NCOR2: variants seen among roughly 807,000 people sequenced by gnomAD.
NCOR2 encodes the protein CTG repeat protein 26.
Under a neutral mutation model 262.9 loss-of-function variants are expected in NCOR2, and 81 were observed. The ratio of observed to expected loss-of-function variants is 0.31; its 90% confidence interval spans 0.26 to 0.37. The LOEUF (loss-of-function observed/expected upper bound fraction) is 0.37, where lower values mean the gene tolerates loss of function less well. Ranked by LOEUF, NCOR2 falls within the 10% of genes least tolerant of loss-of-function variation. The pLI is 1.00. For missense variants in NCOR2, 3,385 were observed against 3,621.4 expected (o/e 0.93, Z 1.68); for synonymous variants, 1,659 against 1,559.3 (o/e 1.06, Z -1.51).
At chr12:124,406,710 AC>A in intron 13 of NCOR2, among the ~76,000 whole-genome samples, 1 of 152,278 alleles carries the variant, frequency 6.6e-6, no homozygotes, top group Admixed American at 6.5e-5. Context: ...CAACTCTGTG[AC>A]AAACCCTACT....
intron 1 of NCOR2, among the ~76,000 whole-genome samples, chr12:124,505,877 G>C (rs1433447510): frequency 6.6e-6 from 1 of 152,162 alleles, no homozygotes; most frequent in Non-Finnish European, 1.5e-5. Context: ...TGATTCTCAA[G>C]TGAGCCCAAA....
exon 38 of NCOR2, chr12:124,337,111 G>T: frequency 6.6e-7 from 1 of 1,509,612 alleles, no homozygotes; most frequent in East Asian, 2.4e-5. Context: ...CGAGGGTGCC[G>T]CCCAGTGGGC....
intron 1 of NCOR2, among the ~76,000 whole-genome samples, chr12:124,547,838 C>T (rs953311837): frequency 6.6e-6 from 1 of 152,218 alleles, no homozygotes; most frequent in African/African-American, 2.4e-5. Flanking sequence ...AGCATGCATC[C>T]GTACTTCATT....
chr12:124,434,507 A>AC (rs1216224353), intron 8 of NCOR2, among the ~76,000 whole-genome samples: 15 of 150,370 alleles, frequency 1.0e-4, no homozygotes, highest in Non-Finnish European at 1.9e-4. Context: ...CCCTCCACAG[A>AC]CCCCCCAAGG....
intron 4 of NCOR2, among the ~76,000 whole-genome samples, chr12:124,471,835 G>T (rs1341399110): frequency 6.6e-6 from 1 of 152,236 alleles, no homozygotes; most frequent in African/African-American, 2.4e-5. Flanking sequence ...CCAAAGTGCT[G>T]GGATTACAGG....
At position 124,457,234 on chromosome 12, in the gene NCOR2, C is replaced by T; in HGVS notation, c.706-72G>A. 1 of 1,456,828 alleles carries T rather than the reference C, an allele frequency of 6.9e-7. No individual in the cohort carries two copies. The allele number at this position is 1,456,828 out of a possible 1,614,324, so 90.2% of individuals were successfully genotyped here. On this transcript the variant is annotated intron_variant, in intron 5 of 46. Coordinates refer to ENST00000405201, the Ensembl canonical transcript of NCOR2. This position sits in a 1 kb window ranked among gnomAD's most constrained non-coding sequence, Gnocchi z 4.0. ...AACACAGATTATAAATAGAGGCTTC[C>T]CGGAGCAGCGGGCACCTGCCCAGCC...
At chr12:124,403,420 C>G (rs2042090968) in intron 13 of NCOR2, among the ~76,000 whole-genome samples, 4 of 152,266 alleles carry the variant, frequency 2.6e-5, no homozygotes, top group African/African-American at 9.6e-5. Flanking sequence ...TACCGCCCCT[C>G]CCCTCACCGA....
intron 22 of NCOR2, among the ~76,000 whole-genome samples, chr12:124,357,131 G>A (rs2038016169): frequency 6.6e-6 from 1 of 152,226 alleles, no homozygotes; most frequent in East Asian, 1.9e-4. Context: ...GTGGCAAATG[G>A]TATCTCAGAG....
At chr12:124,468,292 TCACGC>T in intron 4 of NCOR2, among the ~76,000 whole-genome samples, 1 of 47,918 alleles carries the variant, frequency 2.1e-5, no homozygotes, top group Non-Finnish European at 4.4e-5. Context: ...CTCATCCTCA[TCACGC>T]CCATCACCCT....
At chr12:124,449,611 C>G (rs1008919673) in intron 7 of NCOR2, among the ~76,000 whole-genome samples, 1 of 152,074 alleles carries the variant, frequency 6.6e-6, no homozygotes, top group Admixed American at 6.5e-5. Flanking sequence ...CTCCCAAAAC[C>G]TCAGGGGGAC....
upstream of NCOR2, among the ~76,000 whole-genome samples, chr12:124,539,974 C>A (rs1406754676): frequency 6.6e-6 from 1 of 152,134 alleles, no homozygotes; most frequent in Non-Finnish European, 1.5e-5. The surrounding 1 kb of genome is among the most constrained non-coding windows in gnomAD (Gnocchi z 5.1). Flanking sequence ...CCAGAGGCAG[C>A]TTCGACCTGC....
upstream of NCOR2, among the ~76,000 whole-genome samples, chr12:124,537,437 T>A (rs1026579509): frequency 6.6e-6 from 1 of 152,198 alleles, no homozygotes; most frequent in African/African-American, 2.4e-5. Context: ...CTGTGTGCAG[T>A]GCTCAAGCTC....
intron 1 of NCOR2, among the ~76,000 whole-genome samples, chr12:124,524,854 T>C (rs544613907): frequency 7.0e-6 from 1 of 142,982 alleles, no homozygotes; most frequent in Non-Finnish European, 1.5e-5. Flanking sequence ...AGCACTTGCT[T>C]GTTTAACTGA....
chr12:124,497,499 A>G (rs2048439396), upstream of NCOR2, among the ~76,000 whole-genome samples: 1 of 152,220 alleles, frequency 6.6e-6, no homozygotes, highest in African/African-American at 2.4e-5. This position sits in a 1 kb window ranked among gnomAD's most constrained non-coding sequence, Gnocchi z 4.2. Context: ...ACAGCCGTCT[A>G]GCCCCGGGCC....
At chr12:124,553,873 G>A (rs1325305110) in intron 1 of NCOR2, among the ~76,000 whole-genome samples, 1 of 152,186 alleles carries the variant, frequency 6.6e-6, no homozygotes, top group African/African-American at 2.4e-5. Flanking sequence ...GGGAGGAGAC[G>A]TCCAAGAGCC....
chr12:124,416,474 C>A (rs1248632164), intron 13 of NCOR2, among the ~76,000 whole-genome samples: 2 of 152,222 alleles, frequency 1.3e-5, no homozygotes, highest in Non-Finnish European at 1.5e-5. Context: ...TTTTATTCTA[C>A]GGAGTCTTCA....
At chr12:124,505,449 C>T (rs150362607) in intron 1 of NCOR2, among the ~76,000 whole-genome samples, 12 of 151,824 alleles carry the variant, frequency 7.9e-5, no homozygotes, top group Non-Finnish European at 1.6e-4. Flanking sequence ...CTGTGGGCTG[C>T]ACCTGTAGGA....
At chr12:124,559,810 A>G (rs1042613503) in intron 1 of NCOR2, among the ~76,000 whole-genome samples, 1 of 152,232 alleles carries the variant, frequency 6.6e-6, no homozygotes, top group Non-Finnish European at 1.5e-5. Context: ...GCTTCCTAGT[A>G]GCCAAAGCAA....
At chr12:124,326,788 A>AC in intron 45 of NCOR2, among the ~76,000 whole-genome samples, 1 of 151,626 alleles carries the variant, frequency 6.6e-6, no homozygotes. Flanking sequence ...GCCAGGCCTG[A>AC]CCCCCACAGA....
Sources: gnomAD v4.1 joint callset for allele counts (sites outside exome capture counted in the v4.1 genomes callset) on GRCh38, gnomAD v4.1.1 for gene constraint, Gnocchi (gnomAD v3.1) non-coding constraint, MANE v1.5 for transcripts, NCBI Gene and HGNC (gene_info 2026-07-23, HGNC 2026-07-21) for gene names.